The following ROBO1 variants were observed in gnomAD, a reference collection of about 807,000 sequenced individuals.
ROBO1 encodes roundabout homolog 1.
In ROBO1, 149 loss-of-function variants were observed where a neutral mutation model predicts 195.9. The ratio of observed to expected loss-of-function variants is 0.76; its 90% CI spans 0.67 to 0.87. The LOEUF (loss-of-function observed/expected upper bound fraction) is 0.87. Among genes scored for constraint, ROBO1 ranks in the 40% least tolerant of loss-of-function variants. The pLI is 0.00. For missense variants in ROBO1, 1,933 were observed against 2,068.3 expected, an observed-to-expected ratio of 0.93 and a Z score of 1.27; for synonymous variants, 816 against 733.2, an observed-to-expected ratio of 1.11 and a Z score of -1.82.
intron 2 of ROBO1, among the ~76,000 whole-genome samples, chr3:79,244,564 TGTG>T (rs2082587244): frequency 6.6e-6 from 1 of 152,124 alleles, no homozygotes; most frequent in African/African-American, 2.4e-5. Flanking sequence ...AGTTGTCAAA[TGTG>T]TTTTTGATAA....
At chr3:79,342,087 G>A in intron 2 of ROBO1, among the ~76,000 whole-genome samples, 1 of 152,158 alleles carries the variant, frequency 6.6e-6, no homozygotes, top group Non-Finnish European at 1.5e-5. Flanking sequence ...GTGGAAAGTT[G>A]GCTGGATTTA....
At chr3:79,670,803 C>G (rs1363695742) in intron 1 of ROBO1, among the ~76,000 whole-genome samples, 1 of 151,766 alleles carries the variant, frequency 6.6e-6, no homozygotes, top group African/African-American at 2.4e-5. Flanking sequence ...ACAGGCTCTG[C>G]TAATGTTAGA....
chr3:79,679,980 G>A (rs528248539), intron 1 of ROBO1, among the ~76,000 whole-genome samples: 1 of 152,044 alleles, frequency 6.6e-6, no homozygotes, highest in South Asian at 2.1e-4. Flanking sequence ...AATCAGCTCA[G>A]CATAGATTAT....
chr3:79,110,621 C>CTTT (rs397877079), intron 3 of ROBO1, among the ~76,000 whole-genome samples: 58 of 127,890 alleles, frequency 4.5e-4, no homozygotes, highest in African/African-American at 1.5e-3. Flanking sequence ...AGGGAAATAA[C>CTTT]TTTTTTTTTT....
At chr3:79,449,595 G>T (rs2039378976) in intron 2 of ROBO1, among the ~76,000 whole-genome samples, 1 of 152,088 alleles carries the variant, frequency 6.6e-6, no homozygotes, top group Non-Finnish European at 1.5e-5. Context: ...AAACAGATTA[G>T]TTTCTTAAAT....
intron 1 of ROBO1, among the ~76,000 whole-genome samples, chr3:79,642,226 T>C (rs1054696313): frequency 1.3e-5 from 2 of 151,956 alleles, no homozygotes; most frequent in African/African-American, 4.8e-5. Flanking sequence ...AAATACACAG[T>C]CAGAGGAGAA....
intron 2 of ROBO1, among the ~76,000 whole-genome samples, chr3:79,456,713 A>T (rs1012853680): frequency 1.4e-4 from 22 of 152,182 alleles, no homozygotes; most frequent in Admixed American, 1.4e-3. Context: ...TCTAGCCCCT[A>T]GTAAATATTC....
In ROBO1 at chr3:79,557,502, G is replaced by T. The variant is rs183455680; in HGVS notation, c.88+32322C>A. On this transcript the variant is annotated intron_variant, in intron 2 of 30. Transcript: ENST00000464233. ...GTAATCCCACCACTTCAGAGGCTGA[G>T]GGGGGTGGATCACTTGAGCCCAGGA... Among the ~76,000 whole-genome samples the T allele has an allele frequency of 9.5e-3, 1,438 of 151,912 alleles. 15 individuals carry two copies. Among genetic ancestry groups the T allele is most frequent in the South Asian group, 0.033 (157 of 4,802 alleles).
At chr3:78,699,395 C>CAAAAAAAAAAAAA (rs60574193) in intron 8 of ROBO1, among the ~76,000 whole-genome samples, 12 of 82,968 alleles carry the variant, frequency 1.4e-4, no homozygotes, top group South Asian at 5.4e-4. Context: ...ACTAAAAATA[C>CAAAAAAAAAAAAA]AAAAAAAAAA....
At chr3:79,239,722 T>A (rs1282634707) in intron 2 of ROBO1, among the ~76,000 whole-genome samples, 1 of 152,184 alleles carries the variant, frequency 6.6e-6, no homozygotes, top group African/African-American at 2.4e-5. Flanking sequence ...TATCAATACA[T>A]TGCATTCTCT....
intron 2 of ROBO1, among the ~76,000 whole-genome samples, chr3:79,278,471 T>A (rs1305565793): frequency 6.6e-6 from 1 of 152,160 alleles, no homozygotes. Flanking sequence ...TAAAGCAGCA[T>A]AATGCTGCAT....
intron 2 of ROBO1, among the ~76,000 whole-genome samples, chr3:79,474,790 ATTTG>A (rs1938464127): frequency 6.6e-6 from 1 of 152,104 alleles, no homozygotes; most frequent in Non-Finnish European, 1.5e-5. Flanking sequence ...TTGTAAATAA[ATTTG>A]TTTAACCTTG....
At chr3:79,106,141 CTT>C (rs914038817) in intron 3 of ROBO1, among the ~76,000 whole-genome samples, 1 of 151,620 alleles carries the variant, frequency 6.6e-6, no homozygotes. Flanking sequence ...ACAATGATTT[CTT>C]TTTAAACAAG....
intron 4 of ROBO1, among the ~76,000 whole-genome samples, chr3:78,792,681 A>C (rs1444072692): frequency 2.0e-5 from 3 of 152,258 alleles, no homozygotes; most frequent in African/African-American, 7.2e-5. Flanking sequence ...CAATTAAAAC[A>C]AATTTAAATT....
rs11328226 is a variant in ROBO1, at chr3:79,489,651, C to CAAAAAAAAAAA, written c.88+100162_88+100172dup. Among the ~76,000 whole-genome samples, 4 of 88,816 alleles carry CAAAAAAAAAAA rather than the reference C, an allele frequency of 4.5e-5. 1 individual carries two copies. The highest frequency in any genetic ancestry group is 4.8e-5 in the Non-Finnish European group (2 of 41,524). 58.3% of individuals were successfully genotyped at this position (88,816 alleles called of 152,430 possible). A position where few individuals can be genotyped will look rare whatever the true frequency, so the allele number is the denominator to read the frequency against. ...GCCTGGGGAGAGTGAGACTTCATCT[C>CAAAAAAAAAAA]AAAAAAAAAAAAAAAAAAGAAAGAA... On this transcript the variant is annotated intron_variant, in intron 2 of 30. Transcript: ENST00000464233.
chr3:79,140,090 C>T (rs1402423836), intron 2 of ROBO1, among the ~76,000 whole-genome samples: 1 of 151,982 alleles, frequency 6.6e-6, no homozygotes, highest in Non-Finnish European at 1.5e-5. Flanking sequence ...GTTTGAGGTA[C>T]GATGATCACA....
chr3:78,652,974 C>A (rs985427789), intron 18 of ROBO1, among the ~76,000 whole-genome samples: 3 of 152,110 alleles, frequency 2.0e-5, no homozygotes, highest in African/African-American at 7.2e-5. Flanking sequence ...GCAGAATTCC[C>A]ACCTCTGTCT....
At chr3:79,422,243 G>A (rs369283970) in intron 2 of ROBO1, among the ~76,000 whole-genome samples, 14 of 149,302 alleles carry the variant, frequency 9.4e-5, no homozygotes, top group South Asian at 8.4e-4. Flanking sequence ...TTGTAAATAC[G>A]TACAAGTGAA....
At chr3:79,294,276 C>T (rs543974137) in intron 2 of ROBO1, among the ~76,000 whole-genome samples, 28 of 151,882 alleles carry the variant, frequency 1.8e-4, no homozygotes, top group South Asian at 4.2e-4. Context: ...ACAGAACAGA[C>T]GCCTCAGAAA....
Sources: allele counts gnomAD v4.1 joint callset (sites outside exome capture counted in the v4.1 genomes callset), GRCh38; gene constraint gnomAD v4.1.1; transcripts MANE v1.5; gene names NCBI Gene and HGNC (gene_info 2026-07-23, HGNC 2026-07-21).